CDC42BPB: variants seen among roughly 807,000 people sequenced by gnomAD.
CDC42BPB encodes serine/threonine-protein kinase MRCK beta.
CDC42BPB carries 37 observed loss-of-function variants against 214.9 expected under a neutral mutation model. The ratio of observed to expected loss-of-function variants is 0.17; its 90% CI spans 0.13 to 0.23. CDC42BPB has a LOEUF of 0.23. Ranked by LOEUF, CDC42BPB falls within the 10% of genes least tolerant of loss-of-function variation. The pLI is 1.00. For missense variants in CDC42BPB, 1,694 were observed against 2,227.0 expected (o/e 0.76, Z 4.82); for synonymous variants, 931 against 884.0 (o/e 1.05, Z -0.94).
At chr14:102,950,728 G>A (rs1053667428) in intron 24 of CDC42BPB, 126 bp from the exon 25 acceptor site, 2 of 1,363,982 alleles carry the variant, frequency 1.5e-6, no homozygotes, top group Non-Finnish European at 1.9e-6. Context: ...CACTTTCGGA[G>A]GCCGAGGTGG....
Position 102,940,097 on chromosome 14 carries a change from G to A in CDC42BPB, c.4540C>T (p.Leu1514Phe). 6.2e-7 allele frequency: 1 copy of A among 1,614,012 alleles called. No individual in the cohort carries two copies. The highest frequency in any genetic ancestry group is 8.5e-7 in the Non-Finnish European group (1 of 1,180,042). The change falls in exon 32 of 37, where the codon CTC becomes TTC. Residue 1514 changes from leucine (L) to phenylalanine (F), a missense_variant. This residue lies in a region of CDC42BPB where 567 missense variants were observed against 790.3 expected (regional missense o/e 0.72). Coordinates refer to ENST00000361246, the MANE Select transcript of CDC42BPB (RefSeq NM_006035.4). ...AAGCGTGGAGGCTCGCAGTTGAGGA[G>A]GTTGAGGGTGCCTTCAGAGTTCAGG... ...RPLNSEGTLN[L>F]LNCEPPRLIY...
At chr14:102,968,207 A>T in intron 16 of CDC42BPB, 46 bp downstream of exon 16, 1 of 1,423,426 alleles carries the variant, frequency 7.0e-7, no homozygotes. Flanking sequence ...TTTTTAAATT[A>T]CAACTTCCAC....
intron 20 of CDC42BPB, among the ~76,000 whole-genome samples, chr14:102,962,104 C>A (rs909637673): frequency 6.6e-6 from 1 of 152,194 alleles, no homozygotes; most frequent in Admixed American, 6.5e-5. Context: ...TAAACCTCTA[C>A]GGAGATGCTA....
At chr14:102,996,538 G>A (rs1215798558) in intron 5 of CDC42BPB, among the ~76,000 whole-genome samples, 3 of 152,074 alleles carry the variant, frequency 2.0e-5, no homozygotes, top group Admixed American at 6.5e-5. Context: ...ATGGGCCGGG[G>A]GAGGTGGCTC....
intron 1 of CDC42BPB, among the ~76,000 whole-genome samples, chr14:103,032,160 T>C (rs1337497465): frequency 6.6e-6 from 1 of 152,042 alleles, no homozygotes; most frequent in East Asian, 1.9e-4. Context: ...CACTTCTCCT[T>C]GTCCCCCTCT....
rs1297439840 is a variant in CDC42BPB, at chr14:102,944,051, A to C, written c.4248T>G (p.Leu1416=). ...LNLVNPNDPS[L]AFLSQQSFDA... ...CAAAAGACTGTTGTGAGAGGAACGCAAGCGAGGGGTCATTGGGATTTACCA... is the reference window on the plus strand; with the variant it reads ...CAAAAGACTGTTGTGAGAGGAACGCCAGCGAGGGGTCATTGGGATTTACCA... The change falls in exon 30 of 37, where the codon CTT becomes CTG. Residue 1416 remains leucine (L), a synonymous_variant. Coordinates refer to ENST00000361246, the MANE Select transcript of CDC42BPB (RefSeq NM_006035.4). The surrounding 1 kb of genome is among the most constrained non-coding windows in gnomAD (Gnocchi z 6.6). The C allele has an allele frequency of 2.5e-6, 4 of 1,613,596 alleles. No individual in the cohort carries two copies. The South Asian group carries it at 4.4e-5, about 18-fold the overall frequency.
chr14:103,041,971 A>G, intron 1 of CDC42BPB: 2 of 339,196 alleles, frequency 5.9e-6, no homozygotes, highest in South Asian at 5.5e-5. Flanking sequence ...CCAAGTCATC[A>G]CCGAGGAGAA....
chr14:102,954,516 T>C (rs527275290), intron 22 of CDC42BPB, 86 bp downstream of exon 22: 781 of 1,423,700 alleles, frequency 5.5e-4, no homozygotes, highest in Non-Finnish European at 6.9e-4. Flanking sequence ...CAAACTGTTA[T>C]GCAGGGGCCA....
At chr14:102,946,740 G>T in intron 27 of CDC42BPB, 56 bp from the exon 28 acceptor site, 1 of 1,594,142 alleles carries the variant, frequency 6.3e-7, no homozygotes. Context: ...AAAGCCGCAC[G>T]CAGCTACCAC....
chr14:103,048,049 CGAAG>C (rs1303208937), intron 1 of CDC42BPB, among the ~76,000 whole-genome samples: 1 of 152,092 alleles, frequency 6.6e-6, no homozygotes. Flanking sequence ...GAAAGAGACA[CGAAG>C]AATCCCTGCA....
intron 1 of CDC42BPB, among the ~76,000 whole-genome samples, chr14:103,050,310 C>G (rs2139781014): frequency 6.6e-6 from 1 of 152,314 alleles, no homozygotes; most frequent in Admixed American, 6.5e-5. Context: ...AAGCAGGCAC[C>G]TGCAAGGAGG....
At position 102,967,114 on chromosome 14, in the gene CDC42BPB, C is replaced by T. The variant is rs762319958; in HGVS notation, c.2403G>A (p.Leu801=). ...ACTCCTTCTTGGCTGCCAGATCCTGCAGCTCATCCTCCAGCTGTCTATTTT... is the reference window on the plus strand; with the variant it reads ...ACTCCTTCTTGGCTGCCAGATCCTGTAGCTCATCCTCCAGCTGTCTATTTT... ...TAQNRQLEDE[L]QDLAAKKESV... Residue 801 remains leucine, a synonymous_variant, in exon 17 of 37, where the codon CTG becomes CTA. Coordinates refer to ENST00000361246, the MANE Select transcript of CDC42BPB (RefSeq NM_006035.4). 1.2e-6 allele frequency: 2 copies of T among 1,614,204 alleles called. No homozygotes were observed. Among genetic ancestry groups the T allele is most frequent in the Non-Finnish European group, 1.7e-6 (2 of 1,180,020 alleles).
chr14:103,011,829 T>C (rs1286996447), intron 2 of CDC42BPB, among the ~76,000 whole-genome samples: 1 of 152,092 alleles, frequency 6.6e-6, no homozygotes, highest in Non-Finnish European at 1.5e-5. Context: ...CTTTCGAGTC[T>C]CCTTTCTCTT....
chr14:102,987,082 C>G (rs1278158776), intron 5 of CDC42BPB, among the ~76,000 whole-genome samples: 2 of 152,220 alleles, frequency 1.3e-5, no homozygotes, highest in Non-Finnish European at 2.9e-5. Context: ...TGGGGGCTGC[C>G]ACACAAAGAG....
At position 102,967,178 on chromosome 14, in the gene CDC42BPB, G is replaced by A. The variant is rs772161800; in HGVS notation, c.2347-8C>T. The stretch of plus-strand genomic sequence containing the variant: ...ATCCACAAAGGAACAGAGCTGAAAT[G>A]AAACAATTTCACCACAGAACTTGTT... On this transcript the variant is annotated splice_region_variant and splice_polypyrimidine_tract_variant and intron_variant, in intron 16 of 36. Transcript: ENST00000361246. The A allele has an allele frequency of 6.2e-7, 1 of 1,608,172 alleles. No individual in the cohort carries two copies. Among genetic ancestry groups the A allele is most frequent in the Non-Finnish European group, 8.5e-7 (1 of 1,175,304 alleles).
chr14:102,974,063 C>T lies in CDC42BPB; in HGVS notation c.1594G>A (p.Glu532Lys). Reference protein sequence around the residue: ...EDSTQRLRGLEKQHRVVRQEK... With the variant: ...EDSTQRLRGLKKQHRVVRQEK... ...TGCCGGACCACGCGGTGCTGCTTCT[C>T]CAGCCCCCGCAGCCGCTGCGTGGAG... Residue 532 changes from glutamate to lysine, a missense_variant, in exon 12 of 37, where the codon GAG becomes AAG. Glu to Lys is a moderately conservative substitution (Grantham distance 56). Transcript: ENST00000361246. 6.2e-7 allele frequency: 1 copy of T among 1,613,906 alleles called. No individual in the cohort carries two copies. Among genetic ancestry groups the T allele is most frequent in the Non-Finnish European group, 8.5e-7 (1 of 1,179,854 alleles).
chr14:102,979,551 T>G (rs1485445299), intron 8 of CDC42BPB, among the ~76,000 whole-genome samples: 1 of 152,186 alleles, frequency 6.6e-6, no homozygotes, highest in African/African-American at 2.4e-5. Flanking sequence ...GGGTACTTCA[T>G]AGTTTCTAAG....
rs941214256 is a variant in CDC42BPB at position 103,001,743 on chromosome 14, TGAAC to T, written c.448-2034_448-2031del. 1.3e-5 allele frequency among the ~76,000 whole-genome samples: 2 copies of T among 152,036 alleles called. No homozygotes were observed. The highest frequency in any genetic ancestry group is 2.4e-5 in the African/African-American group (1 of 41,396). Reference sequence around the variant, plus strand: ...ACACACGGGGCCAGGGGAGATGCGGTGAACGAACGGCCAGGCCCTCGGGCCCCTA... The same window carrying T: ...ACACACGGGGCCAGGGGAGATGCGGTGAACGGCCAGGCCCTCGGGCCCCTA... On this transcript the variant is annotated intron_variant, in intron 4 of 36. Coordinates refer to ENST00000361246, the MANE Select transcript of CDC42BPB (RefSeq NM_006035.4). The surrounding 1 kb of genome is among the most constrained non-coding windows in gnomAD (Gnocchi z 5.8).
chr14:102,994,024 C>A (rs1342157994), intron 5 of CDC42BPB, among the ~76,000 whole-genome samples: 1 of 152,154 alleles, frequency 6.6e-6, no homozygotes, highest in East Asian at 1.9e-4. Flanking sequence ...ATTTCACATA[C>A]ACACGAAAAA....
Sources: gnomAD v4.1 joint callset for allele counts (sites outside exome capture counted in the v4.1 genomes callset) on GRCh38, gnomAD v4.1.1 for gene constraint, gnomAD v4.1.1 regional missense constraint, Gnocchi (gnomAD v3.1) non-coding constraint, MANE v1.5 for transcripts, NCBI Gene and HGNC (gene_info 2026-07-23, HGNC 2026-07-21) for gene names.